Variants in CAST observed in about 807,000 individuals in gnomAD.
CAST encodes MIR583 host.
In CAST, 76 loss-of-function variants were observed where a neutral mutation model predicts 119.6. The ratio of observed to expected loss-of-function variants is 0.64; its 90% CI spans 0.53 to 0.77. The LOEUF (loss-of-function observed/expected upper bound fraction) is 0.77. CAST is among the 30% of genes least tolerant of loss of function. The pLI is 0.00. For synonymous variants in CAST, 319 were observed against 331.6 expected, an observed-to-expected ratio of 0.96 and a Z score of 0.41; for missense variants, 953 against 946.5, an observed-to-expected ratio of 1.01 and a Z score of -0.09.
the CAST span, among the ~76,000 whole-genome samples, chr5:96,013,970 T>A: frequency 4.6e-5 from 7 of 152,126 alleles, no homozygotes; most frequent in African/African-American, 1.4e-4. Context: ...ATTTAAAAAA[T>A]TATTTCTTAA....
the CAST span, among the ~76,000 whole-genome samples, chr5:96,034,512 T>TCACACAC: frequency 7.2e-3 from 126 of 17,480 alleles, no homozygotes; most frequent in Middle Eastern, 0.036. Flanking sequence ...CACACATATG[T>TCACACAC]GTGTGTGTAT....
At chr5:96,613,164 T>G (rs183784) in intron 1 of CAST, among the ~76,000 whole-genome samples, 133,653 of 152,214 alleles carry the variant, frequency 0.88, 58,960 homozygotes, top group East Asian at 1. Context: ...TTTCAGAATT[T>G]TCTATTCCTA....
At chr5:96,649,367 G>A (rs983421587) in intron 1 of CAST, among the ~76,000 whole-genome samples, 3 of 152,106 alleles carry the variant, frequency 2.0e-5, no homozygotes, top group Non-Finnish European at 4.4e-5. Flanking sequence ...TAATAAGCAG[G>A]GTTAAAGTTC....
intron 1 of CAST, among the ~76,000 whole-genome samples, chr5:96,627,573 TAGAA>T (rs1747747254): frequency 6.6e-6 from 1 of 152,214 alleles, no homozygotes; most frequent in African/African-American, 2.4e-5. Flanking sequence ...TGAAAAATCT[TAGAA>T]AGCTATAAAA....
At chr5:96,344,100 G>C in the CAST span, among the ~76,000 whole-genome samples, 1 of 152,148 alleles carries the variant, frequency 6.6e-6, no homozygotes, top group Non-Finnish European at 1.5e-5. Flanking sequence ...CCTTTGTCAG[G>C]CTGGCAGCTT....
intron 1 of CAST, among the ~76,000 whole-genome samples, chr5:96,654,998 G>A (rs977454497): frequency 3.9e-5 from 6 of 152,170 alleles, no homozygotes; most frequent in Admixed American, 3.9e-4. Context: ...CTCACATCTA[G>A]TTAATTTCTT....
chr5:96,683,056 T>A (rs1751637224), intron 2 of CAST, among the ~76,000 whole-genome samples: 1 of 152,140 alleles, frequency 6.6e-6, no homozygotes, highest in East Asian at 1.9e-4. Context: ...AATCTTTGAC[T>A]TGGGTTAGAA....
At chr5:96,744,478 C>T (rs551184579) in intron 16 of CAST, among the ~76,000 whole-genome samples, 25 of 152,280 alleles carry the variant, frequency 1.6e-4, no homozygotes, top group South Asian at 1.5e-3. Context: ...AGGAGAGCTC[C>T]GCCCCCATGA....
At chr5:96,465,098 A>G in the CAST span, among the ~76,000 whole-genome samples, 1 of 152,020 alleles carries the variant, frequency 6.6e-6, no homozygotes, top group African/African-American at 2.4e-5. Context: ...AATTTGTATA[A>G]TCATCTCTGT....
At chr5:96,468,159 A>G in the CAST span, among the ~76,000 whole-genome samples, 2 of 152,060 alleles carry the variant, frequency 1.3e-5, no homozygotes, top group African/African-American at 4.8e-5. Context: ...GTTCTTATTT[A>G]TAAGTAAGAG....
the CAST span, among the ~76,000 whole-genome samples, chr5:96,013,940 A>G: frequency 1.1e-3 from 169 of 152,292 alleles, no homozygotes; most frequent in African/African-American, 3.8e-3. Flanking sequence ...AACACTGTAC[A>G]TTTAAGCTAT....
chr5:96,273,802 T>G, the CAST span, among the ~76,000 whole-genome samples: 2 of 152,184 alleles, frequency 1.3e-5, no homozygotes, highest in African/African-American at 4.8e-5. Flanking sequence ...CACTGGTCTG[T>G]TCTGATTGCT....
chr5:96,282,328 C>G, the CAST span, among the ~76,000 whole-genome samples: 1 of 152,138 alleles, frequency 6.6e-6, no homozygotes, highest in African/African-American at 2.4e-5. Flanking sequence ...TCAGTTCCTT[C>G]GCTGAGTGAA....
the CAST span, among the ~76,000 whole-genome samples, chr5:96,297,501 ACC>A: frequency 1.3e-5 from 2 of 152,118 alleles, no homozygotes; most frequent in Non-Finnish European, 2.9e-5. Context: ...CCTCATCCCA[ACC>A]TAGATGCTTG....
At chr5:96,169,625 A>G in the CAST span, among the ~76,000 whole-genome samples, 283 of 152,182 alleles carry the variant, frequency 1.9e-3, 1 homozygote, top group Admixed American at 4.0e-3. Flanking sequence ...GTGCTGTGGG[A>G]TGGGATATTG....
chr5:96,499,939 G>T, the CAST span, among the ~76,000 whole-genome samples: 2 of 152,182 alleles, frequency 1.3e-5, no homozygotes, highest in Non-Finnish European at 2.9e-5. Context: ...AGAGGTCATC[G>T]TTGGGATATT....
At chr5:96,495,144 T>G in the CAST span, among the ~76,000 whole-genome samples, 2 of 144,794 alleles carry the variant, frequency 1.4e-5, no homozygotes, top group Middle Eastern at 3.6e-3. Flanking sequence ...AAAAAAAGTG[T>G]GTCCATGTTA....
At chr5:96,408,091 C>G in the CAST span, 1 of 705,926 alleles carries the variant, frequency 1.4e-6, no homozygotes, top group Non-Finnish European at 2.6e-6. Flanking sequence ...CTCGAAGTGG[C>G]AGGAAAGAGC....
chr5:96,412,858 G>T, the CAST span: 1 of 681,394 alleles, frequency 1.5e-6, no homozygotes, highest in Non-Finnish European at 1.9e-6. Context: ...GAGAGGAAGT[G>T]GCCGTGATTG....
Sources: gnomAD v4.1 joint callset for allele counts (sites outside exome capture counted in the v4.1 genomes callset) on GRCh38, gnomAD v4.1.1 for gene constraint, MANE v1.5 for transcripts, NCBI Gene and HGNC (gene_info 2026-07-23, HGNC 2026-07-21) for gene names.